TET1: variants seen among roughly 807,000 people sequenced by gnomAD.
TET1 encodes methylcytosine dioxygenase TET1.
In TET1, 13 loss-of-function variants were observed where a neutral mutation model predicts 148.7. The observed-to-expected ratio is 0.09, with a 90% CI of 0.06 to 0.14. TET1 has a LOEUF of 0.14. TET1 is among the 10% of genes least tolerant of loss of function. The pLI, the probability that TET1 is intolerant of heterozygous loss-of-function variation, is 1.00. For synonymous variants in TET1, 907 were observed against 937.2 expected (o/e 0.97, Z 0.59); for missense variants, 2,182 against 2,553.8 (o/e 0.85, Z 3.14).
chr10:68,637,861 T>G (rs1210349420), intron 3 of TET1, among the ~76,000 whole-genome samples: 3 of 147,824 alleles, frequency 2.0e-5, no homozygotes, highest in African/African-American at 7.8e-5. Flanking sequence ...AGAGTGAGAC[T>G]CCGTCTCAAA....
chr10:68,585,145 A>C (rs1424435242), intron 2 of TET1, among the ~76,000 whole-genome samples: 1 of 151,890 alleles, frequency 6.6e-6, no homozygotes, highest in Non-Finnish European at 1.5e-5. Context: ...GCTGGGATTA[A>C]AGGCATGCGC....
intron 1 of TET1, among the ~76,000 whole-genome samples, chr10:68,571,695 G>A (rs1464763324): frequency 6.6e-6 from 1 of 152,126 alleles, no homozygotes; most frequent in Non-Finnish European, 1.5e-5. Context: ...ACCGCACCTG[G>A]CCACTGTTTT....
Position 68,681,379 on chromosome 10 carries a change from T to C in TET1, c.4825-20T>C. ...GAAGGTGCGATTATAAAATACCTAATGGATTCTGTTTTCCTATAGGAAAAA... is the reference window on the plus strand; with the variant it reads ...GAAGGTGCGATTATAAAATACCTAACGGATTCTGTTTTCCTATAGGAAAAA... On this transcript the variant is annotated intron_variant, in intron 8 of 11. Coordinates refer to ENST00000373644, the MANE Select transcript of TET1 (RefSeq NM_030625.3). The C allele has an allele frequency of 6.5e-7, 1 of 1,538,666 alleles. No individual in the cohort carries two copies. Among genetic ancestry groups the C allele is most frequent in the Non-Finnish European group, 9.0e-7 (1 of 1,113,514 alleles).
intron 3 of TET1, among the ~76,000 whole-genome samples, chr10:68,639,717 C>T (rs540816524): frequency 7.0e-4 from 106 of 152,236 alleles, no homozygotes; most frequent in African/African-American, 2.2e-3. Context: ...CTGCCTGCCA[C>T]GGCCTTCCAA....
intron 6 of TET1, among the ~76,000 whole-genome samples, chr10:68,656,961 G>A (rs1437978336): frequency 6.6e-6 from 1 of 151,460 alleles, no homozygotes; most frequent in Non-Finnish European, 1.5e-5. Flanking sequence ...AGGAGGCGGA[G>A]GTTGCCGTCA....
chr10:68,581,621 T>C (rs561563075), intron 2 of TET1, among the ~76,000 whole-genome samples: 1 of 152,192 alleles, frequency 6.6e-6, no homozygotes, highest in African/African-American at 2.4e-5. Flanking sequence ...GCAGGCAGAT[T>C]GCTTGAGCCC....
chr10:68,664,756 T>C (rs1158521868), intron 6 of TET1, among the ~76,000 whole-genome samples: 1 of 142,192 alleles, frequency 7.0e-6, no homozygotes, highest in Non-Finnish European at 1.5e-5. Flanking sequence ...CAAGTGATCC[T>C]CCTGCTTGCC....
chr10:68,623,604 A>G (rs2054406824), intron 3 of TET1, among the ~76,000 whole-genome samples: 1 of 152,226 alleles, frequency 6.6e-6, no homozygotes, highest in South Asian at 2.1e-4. Flanking sequence ...TGGCCACTTC[A>G]TAACTTACTT....
chr10:68,644,883 A>C lies in TET1; in HGVS notation c.2154A>C (p.Leu718Phe). 1 of 1,613,398 alleles carries C rather than the reference A, an allele frequency of 6.2e-7. No homozygotes were observed. The highest frequency in any genetic ancestry group is 8.5e-7 in the Non-Finnish European group (1 of 1,179,726). ...GGACACAAAACAAGAAATCACAGTTAACTGATCACGTGAAAGGAGATTTTA... is the reference window on the plus strand; with the variant it reads ...GGACACAAAACAAGAAATCACAGTTCACTGATCACGTGAAAGGAGATTTTA... ...EKWTQNKKSQ[L>F]TDHVKGDFSA... The change falls in exon 4 of 12, where the codon TTA becomes TTC. Residue 718 changes from leucine (L) to phenylalanine (F), a missense_variant. Transcript: ENST00000373644.
intron 1 of TET1, among the ~76,000 whole-genome samples, chr10:68,567,504 C>T (rs930635360): frequency 7.2e-5 from 11 of 151,834 alleles, no homozygotes; most frequent in Admixed American, 4.6e-4. Context: ...ATGTTGGTCA[C>T]GCTGGTCTCA....
chr10:68,641,178 A>C (rs2054747621), intron 3 of TET1, among the ~76,000 whole-genome samples: 1 of 151,818 alleles, frequency 6.6e-6, no homozygotes, highest in African/African-American at 2.4e-5. Flanking sequence ...CAACATGATA[A>C]TCTGTTTAAT....
chr10:68,581,671 G>A (rs748171393), intron 2 of TET1, among the ~76,000 whole-genome samples: 7 of 151,928 alleles, frequency 4.6e-5, no homozygotes, highest in African/African-American at 1.2e-4. Flanking sequence ...GTGAAACCCC[G>A]TTTCTCCAAA....
chr10:68,625,225 G>T (rs935567695), intron 3 of TET1, among the ~76,000 whole-genome samples: 1 of 152,138 alleles, frequency 6.6e-6, no homozygotes, highest in African/African-American at 2.4e-5. Context: ...TCCTGGCAAG[G>T]GTCCTTTGTT....
chr10:68,585,516 A>G (rs576017099), intron 2 of TET1, among the ~76,000 whole-genome samples: 4 of 152,282 alleles, frequency 2.6e-5, no homozygotes, highest in East Asian at 3.9e-4. Flanking sequence ...ATAAAACTGC[A>G]ACTTCTACAT....
chr10:68,655,568 A>T (rs1313065674), intron 6 of TET1, among the ~76,000 whole-genome samples: 1 of 152,118 alleles, frequency 6.6e-6, no homozygotes, highest in Non-Finnish European at 1.5e-5. Flanking sequence ...TATTGGTGGG[A>T]TTGGGATGAT....
chr10:68,586,757 G>A (rs373608451), intron 2 of TET1, among the ~76,000 whole-genome samples: 2 of 152,078 alleles, frequency 1.3e-5, no homozygotes, highest in East Asian at 1.9e-4. Context: ...CAGTGTGAGA[G>A]TGGACCTACT....
chr10:68,632,365 G>C (rs2054586359), intron 3 of TET1: 1 of 1,595,078 alleles, frequency 6.3e-7, no homozygotes, highest in South Asian at 1.1e-5. Context: ...TCGCGGAGTA[G>C]TCCTCATGGC....
At chr10:68,583,111 T>G (rs550647388) in intron 2 of TET1, among the ~76,000 whole-genome samples, 1 of 152,356 alleles carries the variant, frequency 6.6e-6, no homozygotes, top group South Asian at 2.1e-4. Context: ...AGTGTCAGCA[T>G]AATCCAAGTT....
intron 3 of TET1, among the ~76,000 whole-genome samples, chr10:68,640,554 T>TTTTC (rs2054733597): frequency 1.0e-5 from 1 of 99,334 alleles, no homozygotes; most frequent in African/African-American, 3.7e-5. Context: ...CTTTTTTTTT[T>TTTTC]TTTTTTTTTT....
Sources: gnomAD v4.1 joint callset for allele counts (sites outside exome capture counted in the v4.1 genomes callset) on GRCh38, gnomAD v4.1.1 for gene constraint, MANE v1.5 for transcripts, NCBI Gene and HGNC (gene_info 2026-07-23, HGNC 2026-07-21) for gene names.